NUBPL: variants seen among roughly 807,000 people sequenced by gnomAD.
NUBPL encodes iron-sulfur cluster transfer protein NUBPL.
NUBPL carries 31 observed loss-of-function variants against 45.7 expected under a neutral mutation model. The observed-to-expected ratio is 0.68, with a 90% CI of 0.51 to 0.92. The LOEUF is 0.92. Among genes scored for constraint, NUBPL ranks in the 40% least tolerant of loss-of-function variants. The pLI is 0.00. For synonymous variants in NUBPL, 144 were observed against 140.9 expected (o/e 1.02, Z -0.15); for missense variants, 401 against 398.7 (o/e 1.01, Z -0.05).
intron 6 of NUBPL, among the ~76,000 whole-genome samples, chr14:31,740,131 C>T (rs1418944787): frequency 6.6e-6 from 1 of 152,166 alleles, no homozygotes; most frequent in African/African-American, 2.4e-5. Context: ...GTGTAGGTTT[C>T]TGTGTGGATA....
At chr14:31,564,643 C>A (rs966042478) in intron 2 of NUBPL, among the ~76,000 whole-genome samples, 1 of 151,176 alleles carries the variant, frequency 6.6e-6, no homozygotes, top group Non-Finnish European at 1.5e-5. Context: ...AATAAAAAGA[C>A]AATTTTTCTA....
chr14:31,595,392 T>G (rs1441607309), intron 3 of NUBPL, among the ~76,000 whole-genome samples: 2 of 152,254 alleles, frequency 1.3e-5, no homozygotes, highest in Admixed American at 1.3e-4. Context: ...ACAATCAGAC[T>G]TTACAATAGT....
At chr14:31,807,849 A>G (rs1377772087) in intron 7 of NUBPL, among the ~76,000 whole-genome samples, 5 of 152,230 alleles carry the variant, frequency 3.3e-5, no homozygotes, top group East Asian at 1.9e-4. Context: ...ATGGCTAGCC[A>G]GTTTTCCCAG....
chr14:31,752,401 C>A (rs965668995), intron 6 of NUBPL, among the ~76,000 whole-genome samples: 1 of 152,146 alleles, frequency 6.6e-6, no homozygotes, highest in African/African-American at 2.4e-5. Flanking sequence ...CTGCCAGGTA[C>A]CCTAAGTCAT....
At chr14:31,594,652 CTT>C (rs2034235582) in intron 3 of NUBPL, among the ~76,000 whole-genome samples, 1 of 151,984 alleles carries the variant, frequency 6.6e-6, no homozygotes, top group Admixed American at 6.5e-5. Flanking sequence ...AAATTGTTCT[CTT>C]ATCACCTTGT....
At chr14:31,699,250 T>C (rs1055541514) in intron 6 of NUBPL, among the ~76,000 whole-genome samples, 3 of 152,232 alleles carry the variant, frequency 2.0e-5, no homozygotes, top group African/African-American at 7.2e-5. Context: ...AGTTAGTTTA[T>C]TTTGGTAGCA....
At chr14:31,836,672 G>A (rs1343202300) in intron 8 of NUBPL, among the ~76,000 whole-genome samples, 1 of 152,142 alleles carries the variant, frequency 6.6e-6, no homozygotes, top group Non-Finnish European at 1.5e-5. Context: ...GTGAACTTGA[G>A]CAGTGGTTTC....
chr14:31,705,947 A>G (rs1248844029), intron 6 of NUBPL, among the ~76,000 whole-genome samples: 1 of 152,130 alleles, frequency 6.6e-6, no homozygotes, highest in African/African-American at 2.4e-5. Context: ...CGAGTGCTGC[A>G]CGAAGCCCCA....
At chr14:31,638,184 C>T (rs190923366) in intron 4 of NUBPL, among the ~76,000 whole-genome samples, 34 of 152,040 alleles carry the variant, frequency 2.2e-4, no homozygotes, top group Middle Eastern at 3.4e-3. Flanking sequence ...TTCCTAGTCT[C>T]GATGGTCTTT....
intron 3 of NUBPL, among the ~76,000 whole-genome samples, chr14:31,586,260 T>C (rs2033993725): frequency 6.6e-6 from 1 of 152,184 alleles, no homozygotes; most frequent in South Asian, 2.1e-4. Context: ...CATATTTATT[T>C]ACATAGAAGG....
At chr14:31,793,765 T>G (rs1260298351) in intron 7 of NUBPL, among the ~76,000 whole-genome samples, 1 of 151,738 alleles carries the variant, frequency 6.6e-6, no homozygotes, top group African/African-American at 2.4e-5. Context: ...ACTGAGTCAA[T>G]GACAAAGCTA....
At chr14:31,657,176 A>G (rs1000005595) in intron 4 of NUBPL, among the ~76,000 whole-genome samples, 1 of 152,112 alleles carries the variant, frequency 6.6e-6, no homozygotes, top group Non-Finnish European at 1.5e-5. Flanking sequence ...CAGACCCCCA[A>G]CATCCAAAGT....
intron 4 of NUBPL, among the ~76,000 whole-genome samples, chr14:31,666,263 A>ATATGTATATATATATATATATTTATT: frequency 8.9e-6 from 1 of 111,888 alleles, no homozygotes; most frequent in South Asian, 3.0e-4. Context: ...ATATATATAT[A>ATATGTATATATATATATATATTTATT]ATTTTATTTT....
chr14:31,621,393 A>T (rs767012078), intron 4 of NUBPL, among the ~76,000 whole-genome samples: 1 of 152,124 alleles, frequency 6.6e-6, no homozygotes, highest in Non-Finnish European at 1.5e-5. Flanking sequence ...TTTGTGCTTG[A>T]AACCCAGGGC....
intron 6 of NUBPL, among the ~76,000 whole-genome samples, chr14:31,687,966 A>C (rs2036993677): frequency 1.3e-5 from 2 of 152,242 alleles, no homozygotes; most frequent in African/African-American, 4.8e-5. Flanking sequence ...CTGCAGCTAC[A>C]TTATCAGGCA....
chr14:31,728,631 A>G (rs1445555239), intron 6 of NUBPL, among the ~76,000 whole-genome samples: 1 of 152,076 alleles, frequency 6.6e-6, no homozygotes, highest in Admixed American at 6.6e-5. Context: ...AGAAATAAGA[A>G]CCCCTACTAT....
intron 6 of NUBPL, among the ~76,000 whole-genome samples, chr14:31,760,561 T>A (rs755680427): frequency 6.6e-6 from 1 of 152,170 alleles, no homozygotes; most frequent in Non-Finnish European, 1.5e-5. Context: ...ATAAGTGAGA[T>A]CATGCAGTGT....
At chr14:31,592,495 ATT>A (rs1249419745) in intron 3 of NUBPL, among the ~76,000 whole-genome samples, 1 of 152,282 alleles carries the variant, frequency 6.6e-6, no homozygotes, top group Middle Eastern at 3.4e-3. Context: ...AGGTTGTCAG[ATT>A]TAGCAAATAA....
At chr14:31,648,960 C>T (rs1322885899) in intron 4 of NUBPL, among the ~76,000 whole-genome samples, 1 of 147,940 alleles carries the variant, frequency 6.8e-6, no homozygotes, top group Non-Finnish European at 1.5e-5. Flanking sequence ...AGGTGCCCAC[C>T]ACTACACCTG....
Sources: gnomAD v4.1 joint callset for allele counts (sites outside exome capture counted in the v4.1 genomes callset) on GRCh38, gnomAD v4.1.1 for gene constraint, MANE v1.5 for transcripts, NCBI Gene and HGNC (gene_info 2026-07-23, HGNC 2026-07-21) for gene names.